Variants in CAMTA1 observed in about 807,000 individuals in gnomAD.
CAMTA1 encodes the protein calmodulin binding transcription activator 1, also known as calmodulin-binding transcription activator 1.
A neutral mutation model predicts 170.9 loss-of-function variants in CAMTA1; 27 were observed. The ratio of observed to expected loss-of-function variants is 0.16; its 90% CI spans 0.12 to 0.22. The LOEUF is 0.22. CAMTA1 is among the 10% of genes least tolerant of loss of function. The pLI, the probability that CAMTA1 is intolerant of heterozygous loss-of-function variation, is 1.00. For synonymous variants in CAMTA1, 833 were observed against 891.5 expected (o/e 0.93, Z 1.17); for missense variants, 1,619 against 2,217.2 (o/e 0.73, Z 5.42).
chr1:7,455,926 C>T lies in CAMTA1; in HGVS notation c.439-11904C>T, dbSNP rs975836975. On this transcript the variant is annotated intron_variant, in intron 5 of 22. Coordinates refer to ENST00000303635, the MANE Select transcript of CAMTA1 (RefSeq NM_015215.4). This position sits in a 1 kb window ranked among gnomAD's most constrained non-coding sequence, Gnocchi z 5.0. ...GGCCGGCCACCTGGGGCTGTGTAGC[C>T]GAAGCTCCCAGCGCCAGAGGGTACA... is the stretch of plus-strand genomic sequence containing the variant. 1.3e-5 allele frequency among the ~76,000 whole-genome samples: 2 copies of T among 152,186 alleles called. No individual in the cohort carries two copies. The highest frequency in any genetic ancestry group is 6.5e-5 in the Admixed American group (1 of 15,280).
intron 5 of CAMTA1, among the ~76,000 whole-genome samples, chr1:7,295,341 G>T (rs1175940846): frequency 6.6e-6 from 1 of 152,132 alleles, no homozygotes; most frequent in Non-Finnish European, 1.5e-5. Context: ...AGTGCCCCGG[G>T]GTTGAGAACT....
intron 11 of CAMTA1, among the ~76,000 whole-genome samples, chr1:7,688,546 G>GTCCTGAGACC (rs1434932632): frequency 6.6e-6 from 1 of 152,136 alleles, no homozygotes; most frequent in African/African-American, 2.4e-5. Context: ...GGGAGAAGTG[G>GTCCTGAGACC]TCCTGAGACC....
At chr1:7,073,563 A>G (rs773981442) in intron 3 of CAMTA1, among the ~76,000 whole-genome samples, 1 of 152,194 alleles carries the variant, frequency 6.6e-6, no homozygotes, top group Non-Finnish European at 1.5e-5. Context: ...CTGAGAAGCA[A>G]CAGCCAGAGA....
chr1:7,699,395 G>C (rs1423524192), intron 11 of CAMTA1, among the ~76,000 whole-genome samples: 2 of 152,092 alleles, frequency 1.3e-5, no homozygotes, highest in African/African-American at 2.4e-5. Context: ...GTATGGACTT[G>C]TGGCTGGCTT....
At chr1:7,625,255 G>A (rs149006118) in intron 6 of CAMTA1, among the ~76,000 whole-genome samples, 1,801 of 152,364 alleles carry the variant, frequency 0.012, 20 homozygotes, top group South Asian at 0.023. Context: ...CATGGGGAAG[G>A]CAGTGAGGGG....
In CAMTA1 at chr1:7,249,361, G is replaced by A. The variant is rs899485365; in HGVS notation, c.303-130G>A. On this transcript the variant is annotated intron_variant, in intron 4 of 22. Coordinates refer to ENST00000303635, the MANE Select transcript of CAMTA1 (RefSeq NM_015215.4). This position sits in a 1 kb window ranked among gnomAD's most constrained non-coding sequence, Gnocchi z 4.4. Reference sequence around the variant, plus strand: ...AATCCAGGGAGATGCAATAAAAGGTGAAAAATTATGTTCCAGCAAATGTGG... The same window carrying A: ...AATCCAGGGAGATGCAATAAAAGGTAAAAAATTATGTTCCAGCAAATGTGG... The A allele has an allele frequency of 9.9e-5, 98 of 989,422 alleles. No homozygotes were observed. The East Asian group carries it at 2.3e-3, about 23-fold the overall frequency. 61.3% of individuals were successfully genotyped at this position (989,422 alleles called of 1,614,324 possible).
chr1:7,202,369 G>GT (rs1417075381), intron 4 of CAMTA1, among the ~76,000 whole-genome samples: 2 of 152,154 alleles, frequency 1.3e-5, no homozygotes, highest in African/African-American at 4.8e-5. Context: ...GCTATTCTGT[G>GT]TCTCTTACAG....
intron 1 of CAMTA1, among the ~76,000 whole-genome samples, chr1:6,789,536 C>T (rs1015325751): frequency 4.6e-5 from 7 of 152,160 alleles, no homozygotes; most frequent in Non-Finnish European, 1.0e-4. Flanking sequence ...TTTCTCCTTT[C>T]CTTATGGAAA....
intron 3 of CAMTA1, among the ~76,000 whole-genome samples, chr1:7,002,865 G>C (rs140203602): frequency 0.019 from 2,921 of 152,318 alleles, 36 homozygotes; most frequent in Middle Eastern, 0.041. Context: ...TGCTGAACAG[G>C]CTCCTGGAGG....
intron 5 of CAMTA1, among the ~76,000 whole-genome samples, chr1:7,386,983 C>G (rs2088078372): frequency 6.6e-6 from 1 of 152,104 alleles, no homozygotes; most frequent in Non-Finnish European, 1.5e-5. Context: ...CTCTTATGTT[C>G]CTAACTGTTT....
intron 4 of CAMTA1, among the ~76,000 whole-genome samples, chr1:7,177,785 C>G (rs1016274815): frequency 6.6e-6 from 1 of 151,594 alleles, no homozygotes; most frequent in African/African-American, 2.4e-5. Context: ...CAAGGCTCCT[C>G]CCTACACACA....
Position 6,997,276 on chromosome 1 carries a change from T to TGC in CAMTA1, c.235-94026_235-94025dup, listed in dbSNP as rs574613140. Among the ~76,000 whole-genome samples, 515 of 152,256 alleles carry TGC rather than the reference T, an allele frequency of 3.4e-3. 2 individuals carry two copies. The highest frequency in any genetic ancestry group is 5.9e-3 in the Non-Finnish European group (403 of 68,000). Reference sequence around the variant, plus strand: ...GTTTTTTGCTTTGTGTGTGTGTGTGTGCGAGCCATCAGTTTGTGAGGGGAT... The same window carrying TGC: ...GTTTTTTGCTTTGTGTGTGTGTGTGTGCGCGAGCCATCAGTTTGTGAGGGGAT... On this transcript the variant is annotated intron_variant, in intron 3 of 22. Coordinates refer to ENST00000303635, the MANE Select transcript of CAMTA1 (RefSeq NM_015215.4).
chr1:7,228,495 G>T (rs1237843438), intron 4 of CAMTA1, among the ~76,000 whole-genome samples: 1 of 152,202 alleles, frequency 6.6e-6, no homozygotes, highest in Non-Finnish European at 1.5e-5. Context: ...GGGCCCTGTG[G>T]TCTCTGTTCC....
At chr1:7,134,735 A>G (rs1219073259) in intron 4 of CAMTA1, among the ~76,000 whole-genome samples, 1 of 152,186 alleles carries the variant, frequency 6.6e-6, no homozygotes, top group Non-Finnish European at 1.5e-5. Context: ...AAATCATTCT[A>G]TCAAAAAGAC....
chr1:7,242,637 T>C (rs1390345680), intron 4 of CAMTA1, among the ~76,000 whole-genome samples: 1 of 152,106 alleles, frequency 6.6e-6, no homozygotes, highest in East Asian at 1.9e-4. Flanking sequence ...ATGAAAAACT[T>C]GACCCCTTCA....
chr1:7,719,808 T>G (rs2096637406), intron 11 of CAMTA1, among the ~76,000 whole-genome samples: 1 of 152,176 alleles, frequency 6.6e-6, no homozygotes, highest in Admixed American at 6.5e-5. Context: ...CCTAAAAAAT[T>G]TAGGAGACTT....
chr1:7,011,180 C>T (rs964177675), intron 3 of CAMTA1, among the ~76,000 whole-genome samples: 33 of 152,136 alleles, frequency 2.2e-4, no homozygotes, highest in African/African-American at 8.0e-4. Flanking sequence ...ATTCAGTGTT[C>T]CAGTTTGGAT....
chr1:7,089,535 C>CATCCCATCCT (rs1239033539), intron 3 of CAMTA1, among the ~76,000 whole-genome samples: 3 of 33,366 alleles, frequency 9.0e-5, no homozygotes, highest in Admixed American at 2.8e-4. Context: ...TTCCTAGCCC[C>CATCCCATCCT]ATCCCATCCC....
chr1:7,369,054 G>C (rs1349613960), intron 5 of CAMTA1: 1 of 152,398 alleles, frequency 6.6e-6, no homozygotes, highest in Non-Finnish European at 1.5e-5. Context: ...AGGATGGCCA[G>C]GTCCTGGGTG....
Sources: gnomAD v4.1 joint callset for allele counts (sites outside exome capture counted in the v4.1 genomes callset) on GRCh38, gnomAD v4.1.1 for gene constraint, Gnocchi (gnomAD v3.1) non-coding constraint, MANE v1.5 for transcripts, NCBI Gene and HGNC (gene_info 2026-07-23, HGNC 2026-07-21) for gene names.